The following XRCC4 variants were observed in gnomAD, a reference collection of about 807,000 sequenced individuals.
XRCC4 encodes DNA repair protein XRCC4.
Under a neutral mutation model 39.1 loss-of-function variants are expected in XRCC4, and 28 were observed. The ratio of observed to expected loss-of-function variants is 0.72; its 90% CI spans 0.53 to 0.98. The LOEUF (loss-of-function observed/expected upper bound fraction) is 0.98, where lower values mean the gene tolerates loss of function less well. Ranked by LOEUF, XRCC4 falls within the 50% of genes least tolerant of loss-of-function variation. The pLI, the probability that XRCC4 is intolerant of heterozygous loss-of-function variation, is 0.00. For synonymous variants in XRCC4, 123 were observed against 126.4 expected, an observed-to-expected ratio of 0.97 and a Z score of 0.18; for missense variants, 350 against 376.4, an observed-to-expected ratio of 0.93 and a Z score of 0.58.
intron 7 of XRCC4, among the ~76,000 whole-genome samples, chr5:83,301,446 T>TTGAG (rs1755282582): frequency 6.6e-6 from 1 of 152,230 alleles, no homozygotes; most frequent in Middle Eastern, 3.2e-3. Context: ...GTTAATTTGT[T>TTGAG]TGAGTTCCTT....
intron 7 of XRCC4, among the ~76,000 whole-genome samples, chr5:83,328,891 CTATA>C (rs2112158906): frequency 6.6e-6 from 1 of 152,084 alleles, no homozygotes; most frequent in East Asian, 1.9e-4. Context: ...AAGGAATCAA[CTATA>C]TAATAAAAAA....
intron 6 of XRCC4, among the ~76,000 whole-genome samples, chr5:83,248,116 G>T (rs1390674906): frequency 6.6e-6 from 1 of 152,146 alleles, no homozygotes; most frequent in Non-Finnish European, 1.5e-5. Flanking sequence ...CAACTCAAGA[G>T]TTGAGCAGAA....
At chr5:83,153,214 C>CT (rs36084579) in intron 3 of XRCC4, among the ~76,000 whole-genome samples, 69,297 of 145,162 alleles carry the variant, frequency 0.48, 17,039 homozygotes, top group African/African-American at 0.61. Context: ...TTCATTCAAA[C>CT]TTTTTTTTTT....
chr5:83,169,447 T>A (rs1561377954), intron 3 of XRCC4, among the ~76,000 whole-genome samples: 3 of 151,170 alleles, frequency 2.0e-5, no homozygotes, highest in African/African-American at 7.4e-5. Context: ...ATCTAAAGCA[T>A]TTTTTTGTTT....
intron 7 of XRCC4, among the ~76,000 whole-genome samples, chr5:83,321,743 G>T (rs767068360): frequency 6.6e-6 from 1 of 151,958 alleles, no homozygotes; most frequent in Non-Finnish European, 1.5e-5. Context: ...TGGAATTGTG[G>T]AATACAGATA....
chr5:83,154,930 A>G (rs992663949), intron 3 of XRCC4, among the ~76,000 whole-genome samples: 6 of 151,990 alleles, frequency 3.9e-5, no homozygotes, highest in Admixed American at 3.9e-4. Flanking sequence ...TTTATATCCA[A>G]CTACACTGGT....
At chr5:83,202,530 A>G (rs1172571249) in intron 4 of XRCC4, among the ~76,000 whole-genome samples, 1 of 152,102 alleles carries the variant, frequency 6.6e-6, no homozygotes, top group Non-Finnish European at 1.5e-5. Context: ...AAAGCTATCT[A>G]ATTTGGACAT....
chr5:83,284,052 CAAAAAAAAAA>C (rs766161565), intron 7 of XRCC4, among the ~76,000 whole-genome samples: 1 of 16,100 alleles, frequency 6.2e-5, no homozygotes, highest in Admixed American at 8.6e-4. Context: ...CAACCCAGAG[CAAAAAAAAAA>C]AAAAAAAAAA....
chr5:83,111,143 G>A lies in XRCC4; in HGVS notation c.255G>A (p.Thr85=), dbSNP rs780318044. 11 of 1,604,530 alleles carry A rather than the reference G, an allele frequency of 6.9e-6. No homozygotes were observed. Among genetic ancestry groups the A allele is most frequent in the African/African-American group, 6.7e-5 (5 of 74,284 alleles). The change falls in exon 3 of 8, where the codon ACG becomes ACA. Residue 85 remains threonine (T), a synonymous_variant. Transcript: ENST00000396027. ...GAGCAGGACCAGCTGATGTATACAC[G>A]TTTAATTTTTCTAAAGAGTCTTGTT... ...LSGAGPADVY[T]FNFSKESCYF... is the part of the protein sequence containing the mutation.
chr5:83,249,533 G>T (rs1753232771), intron 6 of XRCC4, among the ~76,000 whole-genome samples: 1 of 152,150 alleles, frequency 6.6e-6, no homozygotes, highest in African/African-American at 2.4e-5. Flanking sequence ...AGTGCAAATA[G>T]AATGTTTTTT....
rs558783122 is a variant in XRCC4, at chr5:83,166,754, G to A, written c.316-29016G>A. Among the ~76,000 whole-genome samples the A allele has an allele frequency of 3.3e-5, 5 of 152,108 alleles. No individual in the cohort carries two copies. The South Asian group carries it at 1.0e-3, about 32-fold the overall frequency. On this transcript the variant is annotated intron_variant, in intron 3 of 7. Transcript: ENST00000396027. ...GGCCTGCCAAAGAGTTGGCATTACA[G>A]GCGTGAGCCACCGTGCTTGGCCAAG...
At chr5:83,232,645 A>T (rs753061887) in intron 6 of XRCC4, among the ~76,000 whole-genome samples, 8 of 152,086 alleles carry the variant, frequency 5.3e-5, no homozygotes, top group Non-Finnish European at 1.0e-4. Flanking sequence ...ATTCTTCTAG[A>T]TATCCTCCTA....
At chr5:83,200,231 A>C (rs868103597) in intron 4 of XRCC4, among the ~76,000 whole-genome samples, 2 of 152,202 alleles carry the variant, frequency 1.3e-5, no homozygotes, top group Non-Finnish European at 2.9e-5. Context: ...GTCTTGAAAA[A>C]TTAAAAGTTA....
chr5:83,100,520 G>A (rs1745880481), intron 1 of XRCC4, among the ~76,000 whole-genome samples: 1 of 151,972 alleles, frequency 6.6e-6, no homozygotes, highest in African/African-American at 2.4e-5. Context: ...GAAACCAATT[G>A]CTATTTCACA....
chr5:83,108,854 C>CTTTTT (rs370868182), intron 2 of XRCC4, among the ~76,000 whole-genome samples: 1 of 143,284 alleles, frequency 7.0e-6, no homozygotes, highest in Non-Finnish European at 1.5e-5. Context: ...TTATCTTCTT[C>CTTTTT]TTTTTTTTTT....
At chr5:83,351,659 G>A (rs1757086779) in intron 7 of XRCC4, among the ~76,000 whole-genome samples, 1 of 151,986 alleles carries the variant, frequency 6.6e-6, no homozygotes, top group South Asian at 2.1e-4. Context: ...GCAAATCCCA[G>A]AGGGTAGTAC....
intron 6 of XRCC4, among the ~76,000 whole-genome samples, chr5:83,232,041 T>G (rs1752514659): frequency 6.6e-6 from 1 of 152,100 alleles, no homozygotes; most frequent in Non-Finnish European, 1.5e-5. Context: ...TCTGTTTTGT[T>G]GGACATTACC....
chr5:83,085,364 C>T (rs544608680), intron 1 of XRCC4, among the ~76,000 whole-genome samples: 5 of 152,234 alleles, frequency 3.3e-5, no homozygotes, highest in African/African-American at 7.2e-5. Flanking sequence ...TAGCATTGGA[C>T]ACAGTATATC....
intron 3 of XRCC4, among the ~76,000 whole-genome samples, chr5:83,152,009 A>T (rs191311129): frequency 7.9e-4 from 120 of 152,350 alleles, no homozygotes; most frequent in African/African-American, 2.7e-3. Context: ...ATGGTTAGCC[A>T]AGTGTTGGCA....
Sources: gnomAD v4.1 joint callset for allele counts (sites outside exome capture counted in the v4.1 genomes callset) on GRCh38, gnomAD v4.1.1 for gene constraint, MANE v1.5 for transcripts, NCBI Gene and HGNC (gene_info 2026-07-23, HGNC 2026-07-21) for gene names.